Variants in KCND2 observed in about 807,000 individuals in gnomAD.
The protein encoded by KCND2 is potassium voltage-gated channel subfamily D member 2, also known as A-type voltage-gated potassium channel KCND2.
Under a neutral mutation model 54.4 loss-of-function variants are expected in KCND2, and 16 were observed. The ratio of observed to expected loss-of-function variants is 0.29; its 90% CI spans 0.20 to 0.45. The LOEUF (loss-of-function observed/expected upper bound fraction) is 0.45. KCND2 is among the 20% of genes least tolerant of loss of function. KCND2 has a pLI of 1.00. For missense variants in KCND2, 486 were observed against 824.2 expected (o/e 0.59, Z 5.02); for synonymous variants, 317 against 310.7 (o/e 1.02, Z -0.21).
intron 1 of KCND2, among the ~76,000 whole-genome samples, chr7:120,358,565 T>G (rs1800541940): frequency 2.6e-5 from 4 of 152,122 alleles, no homozygotes; most frequent in South Asian, 2.1e-4. Flanking sequence ...GTGTTTTTAA[T>G]CAGCTTAATA....
chr7:120,732,716 G>A (rs1432905971), intron 1 of KCND2, among the ~76,000 whole-genome samples, 187 bp from the exon 2 acceptor site: 3 of 152,140 alleles, frequency 2.0e-5, no homozygotes, highest in South Asian at 4.1e-4. Context: ...AGGTTGAAAG[G>A]TAATTTTTAT....
In KCND2 at chr7:120,748,035, C is replaced by T. The variant is rs565536886; in HGVS notation, c.*177C>T. The T allele has an allele frequency of 3.3e-6, 2 of 600,748 alleles. No homozygotes were observed. Among genetic ancestry groups the T allele is most frequent in the East Asian group, 2.9e-5 (1 of 34,110 alleles). 37.2% of individuals were successfully genotyped at this position (600,748 alleles called of 1,614,324 possible). On this transcript the variant is annotated 3_prime_UTR_variant, in exon 6 of 6. Coordinates refer to ENST00000331113, the MANE Select transcript of KCND2 (RefSeq NM_012281.3). ...TGAATAAAACCACCAAATGGCATTT[C>T]TAGACAGTTTGACCTGTTATACAGA...
chr7:120,713,804 G>A (rs1474793812), intron 1 of KCND2, among the ~76,000 whole-genome samples: 1 of 152,132 alleles, frequency 6.6e-6, no homozygotes, highest in Admixed American at 6.6e-5. Context: ...AGTTATGTGA[G>A]TTAGTCTTAA....
At chr7:120,719,940 C>T (rs181974733) in intron 1 of KCND2, among the ~76,000 whole-genome samples, 1 of 152,132 alleles carries the variant, frequency 6.6e-6, no homozygotes, top group African/African-American at 2.4e-5. Context: ...CCCCAGGGAC[C>T]AGCTTTCATT....
chr7:120,397,815 C>T (rs62471555), intron 1 of KCND2, among the ~76,000 whole-genome samples: 1 of 150,972 alleles, frequency 6.6e-6, no homozygotes, highest in African/African-American at 2.4e-5. Flanking sequence ...ACTTTTCTAC[C>T]TATTTAAATA....
At chr7:120,647,971 C>T (rs531350900) in intron 1 of KCND2, among the ~76,000 whole-genome samples, 5 of 152,158 alleles carry the variant, frequency 3.3e-5, no homozygotes, top group African/African-American at 4.8e-5. Flanking sequence ...CTTGCTTTGT[C>T]GGCATGTCTA....
At chr7:120,555,586 T>C (rs1020363844) in intron 1 of KCND2, among the ~76,000 whole-genome samples, 2 of 152,200 alleles carry the variant, frequency 1.3e-5, no homozygotes, top group Non-Finnish European at 2.9e-5. Flanking sequence ...AACTGTTTGC[T>C]CAAGATTTAT....
chr7:120,388,449 A>G (rs991226910), intron 1 of KCND2, among the ~76,000 whole-genome samples: 2 of 152,044 alleles, frequency 1.3e-5, no homozygotes, highest in Non-Finnish European at 2.9e-5. Flanking sequence ...ATATGTGTGA[A>G]TTAGTTTCTT....
chr7:120,442,179 A>G (rs1185882610), intron 1 of KCND2, among the ~76,000 whole-genome samples: 1 of 152,120 alleles, frequency 6.6e-6, no homozygotes, highest in Non-Finnish European at 1.5e-5. Flanking sequence ...CCCTACCTGG[A>G]GTTATCCATT....
chr7:120,694,812 C>A (rs1478145575), intron 1 of KCND2, among the ~76,000 whole-genome samples: 1 of 152,156 alleles, frequency 6.6e-6, no homozygotes, highest in Non-Finnish European at 1.5e-5. Context: ...CCTGTCTGTG[C>A]AGTGACACCA....
At chr7:120,746,101 C>A in intron 5 of KCND2, 74 bp downstream of exon 5, 1 of 1,522,556 alleles carries the variant, frequency 6.6e-7, no homozygotes, top group Non-Finnish European at 9.0e-7. Context: ...CTCATGTTGT[C>A]ACTTACATGG....
chr7:120,280,045 T>C lies in KCND2; in HGVS notation c.1115+4298T>C, dbSNP rs73722546. ...AACATCTATACATAACTATTGCTAGTGCATTAATATAAAACTCTTTAAAAG... is the reference window on the plus strand; with the variant it reads ...AACATCTATACATAACTATTGCTAGCGCATTAATATAAAACTCTTTAAAAG... On this transcript the variant is annotated intron_variant, in intron 1 of 5. Coordinates refer to ENST00000331113, the MANE Select transcript of KCND2 (RefSeq NM_012281.3). Among the ~76,000 whole-genome samples, 889 of 152,100 alleles carry C rather than the reference T, an allele frequency of 5.8e-3. 7 individuals carry two copies. The highest frequency in any genetic ancestry group is 0.02 in the African/African-American group (849 of 41,550).
At chr7:120,667,862 C>T (rs941652772) in intron 1 of KCND2, among the ~76,000 whole-genome samples, 1 of 151,858 alleles carries the variant, frequency 6.6e-6, no homozygotes, top group Non-Finnish European at 1.5e-5. Context: ...GTTTTTTTCC[C>T]TCACAAGAAA....
intron 1 of KCND2, among the ~76,000 whole-genome samples, chr7:120,312,556 C>A (rs1799752208): frequency 6.6e-6 from 1 of 152,140 alleles, no homozygotes; most frequent in African/African-American, 2.4e-5. Flanking sequence ...ATATTTGATT[C>A]AGATTTTGAT....
At chr7:120,513,824 C>A (rs1409612259) in intron 1 of KCND2, among the ~76,000 whole-genome samples, 3 of 151,882 alleles carry the variant, frequency 2.0e-5, no homozygotes, top group African/African-American at 4.8e-5. Flanking sequence ...ACCAACAAAG[C>A]CACTTAAAAT....
intron 1 of KCND2, among the ~76,000 whole-genome samples, chr7:120,344,382 C>T (rs959660057): frequency 6.6e-6 from 1 of 152,076 alleles, no homozygotes; most frequent in Admixed American, 6.6e-5. Context: ...AAACATTATT[C>T]GTGGAACAAA....
intron 1 of KCND2, among the ~76,000 whole-genome samples, chr7:120,713,767 G>A (rs1792569655): frequency 1.3e-5 from 2 of 152,144 alleles, no homozygotes; most frequent in South Asian, 4.1e-4. Context: ...AGATCTCACT[G>A]TCATTGAGAG....
intron 1 of KCND2, among the ~76,000 whole-genome samples, chr7:120,500,463 A>G (rs762138726): frequency 6.6e-6 from 1 of 152,108 alleles, no homozygotes; most frequent in Admixed American, 6.6e-5. Context: ...TGCCCTCACT[A>G]TTGGGGCATT....
At chr7:120,523,813 TTATA>T (rs67534337) in intron 1 of KCND2, among the ~76,000 whole-genome samples, 1 of 148,088 alleles carries the variant, frequency 6.8e-6, no homozygotes, top group African/African-American at 2.5e-5. Flanking sequence ...TAAAATTTAT[TTATA>T]TATATATATT....
Sources: gnomAD v4.1 joint callset for allele counts (sites outside exome capture counted in the v4.1 genomes callset) on GRCh38, gnomAD v4.1.1 for gene constraint, MANE v1.5 for transcripts, NCBI Gene and HGNC (gene_info 2026-07-23, HGNC 2026-07-21) for gene names.